ERC2: variants seen among roughly 807,000 people sequenced by gnomAD.
ERC2 encodes ERC protein 2.
A neutral mutation model predicts 114.8 loss-of-function variants in ERC2; 42 were observed. The ratio of observed to expected loss-of-function variants is 0.37; its 90% CI spans 0.29 to 0.47. The LOEUF is 0.47. ERC2 is among the 20% of genes least tolerant of loss of function. ERC2 has a pLI of 0.99. For missense variants in ERC2, 939 were observed against 1,150.7 expected, an observed-to-expected ratio of 0.82 and a Z score of 2.66; for synonymous variants, 454 against 425.5, an observed-to-expected ratio of 1.07 and a Z score of -0.82.
intron 14 of ERC2, among the ~76,000 whole-genome samples, chr3:55,752,329 A>C (rs1007020087): frequency 2.6e-5 from 4 of 152,218 alleles, no homozygotes; most frequent in African/African-American, 4.8e-5. Flanking sequence ...CTAGCTAGCG[A>C]GAGTCAATTA....
chr3:55,743,618 C>T, intron 14 of ERC2, among the ~76,000 whole-genome samples: 1 of 110,264 alleles, frequency 9.1e-6, no homozygotes. Flanking sequence ...AAAAAAGAAA[C>T]AAGAAAAAAA....
intron 3 of ERC2, among the ~76,000 whole-genome samples, chr3:56,247,984 G>T (rs2051836870): frequency 6.6e-6 from 1 of 152,190 alleles, no homozygotes; most frequent in Non-Finnish European, 1.5e-5. Flanking sequence ...TCCACATGAG[G>T]TGACTTTTGA....
chr3:55,565,369 C>G (rs1260103376), intron 17 of ERC2, among the ~76,000 whole-genome samples: 3 of 152,176 alleles, frequency 2.0e-5, no homozygotes, highest in South Asian at 4.1e-4. Flanking sequence ...TAACCCACCT[C>G]TAAGTTAAGA....
intron 17 of ERC2, among the ~76,000 whole-genome samples, chr3:55,678,525 T>G (rs1289954298): frequency 6.6e-6 from 1 of 152,184 alleles, no homozygotes; most frequent in Non-Finnish European, 1.5e-5. Context: ...ACATGTCTTC[T>G]TATTCTATAA....
chr3:55,656,325 CTTTTTAT>C (rs1391288569), intron 17 of ERC2, among the ~76,000 whole-genome samples: 4 of 151,930 alleles, frequency 2.6e-5, no homozygotes, highest in African/African-American at 4.8e-5. Context: ...TTTGTTTTTA[CTTTTTAT>C]TTTTTGTAGA....
At chr3:55,827,261 G>T (rs887675065) in intron 14 of ERC2, among the ~76,000 whole-genome samples, 2 of 149,364 alleles carry the variant, frequency 1.3e-5, no homozygotes, top group Admixed American at 1.3e-4. Context: ...AAGAAACAGA[G>T]AGAAAGAAAG....
At chr3:55,531,478 G>A (rs1427713432) in intron 17 of ERC2, among the ~76,000 whole-genome samples, 1 of 152,158 alleles carries the variant, frequency 6.6e-6, no homozygotes, top group East Asian at 1.9e-4. Context: ...TGCCCCTGAT[G>A]TGCATTTGTG....
chr3:56,109,457 A>G (rs1037622578), intron 6 of ERC2, among the ~76,000 whole-genome samples: 7 of 152,146 alleles, frequency 4.6e-5, no homozygotes, highest in Non-Finnish European at 7.4e-5. Context: ...TGTCTTTGCT[A>G]TTGTGAATAG....
intron 7 of ERC2, among the ~76,000 whole-genome samples, chr3:56,061,501 A>G (rs938861662): frequency 3.3e-5 from 5 of 152,226 alleles, no homozygotes; most frequent in Admixed American, 2.6e-4. Context: ...GTCCTTGATC[A>G]TAGAGACTCT....
At chr3:55,534,499 G>A (rs1238243472) in intron 17 of ERC2, among the ~76,000 whole-genome samples, 3 of 151,602 alleles carry the variant, frequency 2.0e-5, no homozygotes, top group African/African-American at 7.3e-5. Context: ...TCTCAGAACA[G>A]CCTGGGCAAC....
chr3:55,877,581 A>C (rs2062919055), intron 14 of ERC2, among the ~76,000 whole-genome samples: 1 of 149,312 alleles, frequency 6.7e-6, no homozygotes, highest in Non-Finnish European at 1.5e-5. Context: ...ATGCAATCAC[A>C]GTTCACTGCA....
intron 3 of ERC2, among the ~76,000 whole-genome samples, chr3:56,179,474 GGGT>G (rs1288520084): frequency 5.3e-5 from 8 of 152,298 alleles, no homozygotes; most frequent in African/African-American, 1.9e-4. Flanking sequence ...CATGGTTTCG[GGGT>G]GGTGGTGATA....
intron 3 of ERC2, among the ~76,000 whole-genome samples, chr3:56,204,205 T>C (rs945423931): frequency 6.6e-6 from 1 of 152,020 alleles, no homozygotes; most frequent in African/African-American, 2.4e-5. Context: ...AAAAGGAAAA[T>C]GCTAACAATA....
chr3:56,457,946 T>C (rs1032295762), intron 1 of ERC2, among the ~76,000 whole-genome samples: 3 of 152,204 alleles, frequency 2.0e-5, no homozygotes, highest in Non-Finnish European at 4.4e-5. Context: ...GAGCATCCAT[T>C]ATTGCCTGCT....
intron 17 of ERC2, among the ~76,000 whole-genome samples, chr3:55,640,236 T>C (rs978099815): frequency 4.6e-5 from 7 of 152,214 alleles, no homozygotes; most frequent in Non-Finnish European, 1.0e-4. Flanking sequence ...CCATCTGTCT[T>C]TGTCAAGGAA....
intron 8 of ERC2, among the ~76,000 whole-genome samples, chr3:56,016,518 G>A (rs1258281380): frequency 1.3e-5 from 2 of 150,652 alleles, no homozygotes; most frequent in Non-Finnish European, 2.9e-5. Context: ...TAGAGCCTTG[G>A]TTCTCAGACT....
intron 14 of ERC2, among the ~76,000 whole-genome samples, chr3:55,851,188 T>TTTTTTTTTTTTTTTTTTTGAG (rs1427189122): frequency 4.9e-4 from 73 of 147,950 alleles, no homozygotes; most frequent in South Asian, 2.5e-3. Flanking sequence ...ATGATTTTTT[T>TTTTTTTTTTTTTTTTTTTGAG]AAGCCCATGC....
intron 6 of ERC2, among the ~76,000 whole-genome samples, chr3:56,088,325 T>C (rs1294218045): frequency 6.6e-6 from 1 of 152,142 alleles, no homozygotes; most frequent in Non-Finnish European, 1.5e-5. Context: ...TGCTGCAAAA[T>C]AGGCACCTTA....
intron 4 of ERC2, among the ~76,000 whole-genome samples, chr3:56,157,576 C>T (rs2149978498): frequency 6.6e-6 from 1 of 152,266 alleles, no homozygotes; most frequent in East Asian, 1.9e-4. Context: ...TTCCAGTGTT[C>T]TTTAGGAAAA....
Sources: allele counts gnomAD v4.1 joint callset (sites outside exome capture counted in the v4.1 genomes callset), GRCh38; gene constraint gnomAD v4.1.1; transcripts MANE v1.5; gene names NCBI Gene and HGNC (gene_info 2026-07-23, HGNC 2026-07-21).